TMEM87A: variants seen among roughly 807,000 people sequenced by gnomAD.
The protein encoded by TMEM87A is transmembrane protein 87A.
Under a neutral mutation model 90.0 loss-of-function variants are expected in TMEM87A, and 50 were observed. The ratio of observed to expected loss-of-function variants is 0.56; its 90% CI spans 0.44 to 0.70. TMEM87A has a LOEUF of 0.70. Ranked by LOEUF, TMEM87A falls within the 30% of genes least tolerant of loss-of-function variation. The pLI is 0.00. For synonymous variants in TMEM87A, 226 were observed against 226.7 expected (o/e 1.00, Z 0.03); for missense variants, 577 against 660.5 (o/e 0.87, Z 1.39).
intron 6 of TMEM87A, among the ~76,000 whole-genome samples, chr15:42,246,554 T>C (rs1415725862): frequency 6.6e-6 from 1 of 152,192 alleles, no homozygotes; most frequent in Non-Finnish European, 1.5e-5. Flanking sequence ...TGTTTGGTTT[T>C]CTGTCCTCGA....
chr15:42,269,307 A>T (rs1347595638), intron 2 of TMEM87A, among the ~76,000 whole-genome samples: 1 of 152,222 alleles, frequency 6.6e-6, no homozygotes, highest in African/African-American at 2.4e-5. Flanking sequence ...TTAGGAATCT[A>T]CTTTTCATTC....
intron 6 of TMEM87A, among the ~76,000 whole-genome samples, chr15:42,248,328 G>C (rs527471596): frequency 6.6e-6 from 1 of 152,236 alleles, no homozygotes; most frequent in East Asian, 1.9e-4. Context: ...TGTTGAATAG[G>C]AGTAGTGAGA....
At position 42,253,700 on chromosome 15, in the gene TMEM87A, TTTC is replaced by T. The variant is rs551181906; in HGVS notation, c.504+7255_504+7257del. ...TAAACAAATTACAATATCACTGCAC[TTTC>T]TTAATGTAATGTAGCAGCTTCTTTC... is the stretch of plus-strand genomic sequence containing the variant. On this transcript the variant is annotated intron_variant, in intron 6 of 19. Transcript: ENST00000389834. 3.9e-4 allele frequency among the ~76,000 whole-genome samples: 60 copies of T among 152,370 alleles called. 1 individual carries two copies. The highest frequency in any genetic ancestry group is 2.7e-3 in the South Asian group (13 of 4,830).
In TMEM87A at chr15:42,211,480, C is replaced by T. The variant is rs77215191; in HGVS notation, c.*228G>A. ...CAGAGTCTGGGAGGAAAGGGGGCAG[C>T]AGTGTTGTAAATAAGAAGCTCGTAG... is the stretch of plus-strand genomic sequence containing the variant. On this transcript the variant is annotated 3_prime_UTR_variant, in exon 20 of 20. Transcript: ENST00000389834. 0.016 allele frequency: 7,374 copies of T among 456,432 alleles called. 96 individuals are homozygous for T. Among genetic ancestry groups the T allele is most frequent in the Middle Eastern group, 0.023 (43 of 1,906 alleles). 28.3% of individuals were successfully genotyped at this position (456,432 alleles called of 1,614,324 possible).
At chr15:42,218,215 T>A (rs2050413823) in intron 18 of TMEM87A, 108 bp downstream of exon 18, 11 of 1,084,532 alleles carry the variant, frequency 1.0e-5, no homozygotes, top group Non-Finnish European at 1.3e-5. Flanking sequence ...CTTTTAATTA[T>A]TTTTCAGTAT....
Position 42,267,986 on chromosome 15 carries a change from C to G in TMEM87A, c.252G>C (p.Leu84=), listed in dbSNP as rs79504882. The change falls in exon 3 of 20, where the codon CTG becomes CTC. Residue 84 remains leucine (L), a synonymous_variant. Coordinates refer to ENST00000389834, the MANE Select transcript of TMEM87A (RefSeq NM_015497.5). ...CDLSLNITWY[L]KSADCYNEIY... is the part of the protein sequence containing the mutation. ...TTTCATTGTAACAATCAGCGCTTTT[C>G]AGATACCAGGTTATATTCAAAGACA... The G allele has an allele frequency of 5.2e-4, 832 of 1,613,602 alleles. 8 individuals are homozygous for G. The African/African-American group carries it at 0.01, about 20-fold the overall frequency.
At chr15:42,239,763 C>T (rs1312674144) in intron 7 of TMEM87A, 32 bp from the exon 8 acceptor site, 10 of 1,584,182 alleles carry the variant, frequency 6.3e-6, no homozygotes, top group Admixed American at 3.3e-5. Context: ...AATTAATTTA[C>T]AGGATGCAGA....
At chr15:42,249,505 G>T (rs1345854363) in intron 6 of TMEM87A, among the ~76,000 whole-genome samples, 1 of 152,216 alleles carries the variant, frequency 6.6e-6, no homozygotes, top group Non-Finnish European at 1.5e-5. Flanking sequence ...TGGTTTCAAA[G>T]AACATCTTTA....
intron 3 of TMEM87A, among the ~76,000 whole-genome samples, chr15:42,265,965 G>A (rs2051394567): frequency 6.6e-6 from 1 of 152,144 alleles, no homozygotes; most frequent in Admixed American, 6.6e-5. Flanking sequence ...TACTAAATAG[G>A]GAGTCCTTTC....
chr15:42,214,853 A>T (rs768264679), intron 19 of TMEM87A, among the ~76,000 whole-genome samples: 60 of 152,218 alleles, frequency 3.9e-4, no homozygotes, highest in Non-Finnish European at 5.9e-4. Flanking sequence ...GGACTACATC[A>T]AACTAAAAAG....
chr15:42,235,791 CAT>C (rs907531503), intron 10 of TMEM87A, among the ~76,000 whole-genome samples: 99 of 152,298 alleles, frequency 6.5e-4, no homozygotes, highest in African/African-American at 2.0e-3. Context: ...TTTCCACTGA[CAT>C]ATTAAAATAT....
chr15:42,273,210 C>T (rs755510826), intron 1 of TMEM87A, 45 bp downstream of exon 1: 9 of 1,609,616 alleles, frequency 5.6e-6, no homozygotes, highest in Non-Finnish European at 7.6e-6. Context: ...CGTAGCCCCA[C>T]CCCTTGCTCC....
intron 6 of TMEM87A, among the ~76,000 whole-genome samples, chr15:42,244,388 A>G (rs1447756767): frequency 6.6e-6 from 1 of 152,120 alleles, no homozygotes; most frequent in East Asian, 1.9e-4. Flanking sequence ...TCTTGTACAC[A>G]AAAATCACAT....
chr15:42,225,656 C>T lies in TMEM87A; in HGVS notation c.1403+1150G>A, dbSNP rs183121183. Among the ~76,000 whole-genome samples the T allele has an allele frequency of 2.7e-3, 417 of 152,224 alleles. 1 individual carries two copies. Among genetic ancestry groups the T allele is most frequent in the African/African-American group, 9.4e-3 (391 of 41,526 alleles). ...AAGCGATTCTTGTGCCTCAGCCTCC[C>T]GAGTAGCTGGGATTAGAGGTGTGCA... On this transcript the variant is annotated intron_variant, in intron 15 of 19. Coordinates refer to ENST00000389834, the MANE Select transcript of TMEM87A (RefSeq NM_015497.5).
intron 12 of TMEM87A, among the ~76,000 whole-genome samples, chr15:42,230,779 AAT>A (rs1213617128): frequency 2.8e-4 from 42 of 152,222 alleles, no homozygotes; most frequent in African/African-American, 9.6e-4. Flanking sequence ...CCTGAAATCA[AAT>A]TTTAAGGATC....
At chr15:42,248,204 A>G (rs1455260296) in intron 6 of TMEM87A, among the ~76,000 whole-genome samples, 1 of 152,008 alleles carries the variant, frequency 6.6e-6, no homozygotes, top group Non-Finnish European at 1.5e-5. Flanking sequence ...GGGTTTTCTA[A>G]ATATACAATC....
chr15:42,218,456 A>C, intron 17 of TMEM87A, 78 bp from the exon 18 acceptor site: 1 of 1,402,908 alleles, frequency 7.1e-7, no homozygotes, highest in Non-Finnish European at 9.9e-7. Context: ...AGGTCTTAAA[A>C]CTTGTCTTTC....
Position 42,211,519 on chromosome 15 carries a change from T to C in TMEM87A, c.*189A>G, listed in dbSNP as rs534728112. The C allele has an allele frequency of 2.1e-4, 117 of 565,016 alleles. No individual in the cohort carries two copies. The highest frequency in any genetic ancestry group is 8.7e-4 in the Middle Eastern group (3 of 3,452). 35.0% of individuals were successfully genotyped at this position (565,016 alleles called of 1,614,324 possible). A position where few individuals can be genotyped will look rare whatever the true frequency, so the allele number is the denominator to read the frequency against. ...AGAAGCTCGTAGATTTTTCTCATCT[T>C]ATGAACTTGTTTTCAGTAAGATGTT... On this transcript the variant is annotated 3_prime_UTR_variant, in exon 20 of 20. Transcript: ENST00000389834.
chr15:42,246,704 T>C (rs982500500), intron 6 of TMEM87A, among the ~76,000 whole-genome samples: 1 of 152,204 alleles, frequency 6.6e-6, no homozygotes, highest in African/African-American at 2.4e-5. Context: ...TGACGGACAT[T>C]TGGGTTGGTT....
Sources: allele counts gnomAD v4.1 joint callset (sites outside exome capture counted in the v4.1 genomes callset), GRCh38; gene constraint gnomAD v4.1.1; transcripts MANE v1.5; gene names NCBI Gene and HGNC (gene_info 2026-07-23, HGNC 2026-07-21).